The following SREBF2 variants were observed in gnomAD, a reference collection of about 807,000 sequenced individuals.
SREBF2 encodes sterol regulatory element binding transcription factor 2, also known as sterol regulatory element-binding protein 2.
SREBF2 carries 55 observed loss-of-function variants against 113.1 expected under a neutral mutation model. The observed-to-expected ratio is 0.49, with a 90% CI of 0.39 to 0.61. SREBF2 has a LOEUF of 0.61. SREBF2 is among the 20% of genes least tolerant of loss of function. The pLI is 0.00. For missense variants in SREBF2, 1,349 were observed against 1,487.4 expected, an observed-to-expected ratio of 0.91 and a Z score of 1.53; for synonymous variants, 593 against 605.7, an observed-to-expected ratio of 0.98 and a Z score of 0.31.
intron 9 of SREBF2, 70 bp from the exon 10 acceptor site, chr22:41,880,646 T>G: frequency 6.3e-7 from 1 of 1,591,922 alleles, no homozygotes; most frequent in Non-Finnish European, 8.6e-7. Context: ...GCAGGGGGAG[T>G]AGAAGTCTAT....
chr22:41,869,054 T>C (rs1466034786), intron 3 of SREBF2, among the ~76,000 whole-genome samples: 1 of 152,232 alleles, frequency 6.6e-6, no homozygotes, highest in Non-Finnish European at 1.5e-5. Context: ...ATGTGCTAAA[T>C]TGGTATTTCC....
At position 41,906,162 on chromosome 22, in the gene SREBF2, G is replaced by A. The variant is rs549094855; in HGVS notation, c.*502G>A. ...TGATGCGAGGCTGAGTTGCTGTAGC[G>A]TCTTGATTCTCTCCCTGGGTCTGCG... On this transcript the variant is annotated 3_prime_UTR_variant, in exon 19 of 19. Transcript: ENST00000361204. The A allele has an allele frequency of 3.2e-5, 12 of 370,366 alleles. No homozygotes were observed. Among genetic ancestry groups the A allele is most frequent in the African/African-American group, 8.5e-5 (4 of 47,264 alleles). 22.9% of individuals were successfully genotyped at this position (370,366 alleles called of 1,614,324 possible).
intron 1 of SREBF2, among the ~76,000 whole-genome samples, chr22:41,842,255 A>C (rs2076837724): frequency 6.6e-6 from 1 of 152,192 alleles, no homozygotes; most frequent in South Asian, 2.1e-4. Flanking sequence ...CAAGTAATTA[A>C]ATTTTTAGTT....
chr22:41,838,682 C>T (rs1211498707), intron 1 of SREBF2, among the ~76,000 whole-genome samples: 1 of 152,056 alleles, frequency 6.6e-6, no homozygotes, highest in Non-Finnish European at 1.5e-5. Flanking sequence ...GCAGTGAACC[C>T]AGATTGTGCC....
intron 3 of SREBF2, among the ~76,000 whole-genome samples, chr22:41,869,245 C>T (rs2077116056): frequency 6.6e-6 from 1 of 152,094 alleles, no homozygotes; most frequent in Admixed American, 6.6e-5. Flanking sequence ...GCTGGGACTA[C>T]AGGCATGTGC....
Position 41,905,591 on chromosome 22 carries a change from G to C in SREBF2, c.3357G>C (p.Arg1119=). ...AARTLEKVGD[R]RSCNDCQQMI... ...GCACCCTGGAGAAGGTGGGCGACCG[G>C]CGCTCCTGCAACGACTGCCAGCAGA... Residue 1119 remains arginine, a synonymous_variant, in exon 19 of 19, where the codon CGG becomes CGC. Coordinates refer to ENST00000361204, the MANE Select transcript of SREBF2 (RefSeq NM_004599.4). 1 of 1,599,482 alleles carries C rather than the reference G, an allele frequency of 6.3e-7. No individual in the cohort carries two copies.
rs2077166540 is a variant in SREBF2, at chr22:41,873,681, C to T, written c.868-117C>T. Reference sequence around the variant, plus strand: ...GATTAACCCAGGAAGAGTCTCAGACCTCATGAAGTACTGCCAGGTCTGGCA... The same window carrying T: ...GATTAACCCAGGAAGAGTCTCAGACTTCATGAAGTACTGCCAGGTCTGGCA... On this transcript the variant is annotated intron_variant, in intron 4 of 18. Transcript: ENST00000361204. The T allele has an allele frequency of 3.0e-5, 31 of 1,020,504 alleles. No homozygotes were observed. In the South Asian group the frequency reaches 4.1e-4, roughly 14 times the overall value. 63.2% of individuals were successfully genotyped at this position (1,020,504 alleles called of 1,614,324 possible). A position where few individuals can be genotyped will look rare whatever the true frequency, so the allele number is the denominator to read the frequency against.
chr22:41,905,424 C>T lies in SREBF2; in HGVS notation c.3206-16C>T. ...ATGGTAGATTCTCGGTTGTGACACA[C>T]ATCTCCTTCCCACAGGAGAGGTGGA... On this transcript the variant is annotated splice_polypyrimidine_tract_variant and intron_variant, in intron 18 of 18. Coordinates refer to ENST00000361204, the MANE Select transcript of SREBF2 (RefSeq NM_004599.4). The T allele has an allele frequency of 6.4e-7, 1 of 1,559,846 alleles. No individual in the cohort carries two copies. Among genetic ancestry groups the T allele is most frequent in the Admixed American group, 1.9e-5 (1 of 53,082 alleles).
Position 41,904,928 on chromosome 22 carries a change from G to A in SREBF2, c.3159G>A (p.Leu1053=). The A allele has an allele frequency of 1.2e-6, 2 of 1,606,146 alleles. No homozygotes were observed. Among genetic ancestry groups the A allele is most frequent in the Non-Finnish European group, 8.5e-7 (1 of 1,178,916 alleles). The part of the protein sequence containing the change: ...AGASPTRTHQ[L]LEHSLRRRTT... Reference sequence around the variant, plus strand: ...CCAGCCCCACCCGCACCCACCAGCTGCTGGAACACAGCCTGCGGCGGCGCA... The same window carrying A: ...CCAGCCCCACCCGCACCCACCAGCTACTGGAACACAGCCTGCGGCGGCGCA... Residue 1053 remains leucine, a synonymous_variant, in exon 18 of 19, where the codon CTG becomes CTA. Transcript: ENST00000361204.
intron 1 of SREBF2, among the ~76,000 whole-genome samples, chr22:41,839,230 G>A (rs1162937562): frequency 6.6e-6 from 1 of 152,140 alleles, no homozygotes; most frequent in Non-Finnish European, 1.5e-5. Context: ...TAGGGGAAAT[G>A]ATGAAAATTT....
At chr22:41,859,212 GA>G (rs2077003625) in intron 1 of SREBF2, among the ~76,000 whole-genome samples, 1 of 151,978 alleles carries the variant, frequency 6.6e-6, no homozygotes, top group Non-Finnish European at 1.5e-5. Context: ...ATACCACAAT[GA>G]AAAGGCACTT....
At chr22:41,897,217 T>A in intron 14 of SREBF2, 56 bp downstream of exon 14, 1 of 1,248,830 alleles carries the variant, frequency 8.0e-7, no homozygotes, top group Non-Finnish European at 1.1e-6. Context: ...GTCTTCACAG[T>A]GCTTTTGCCC....
intron 1 of SREBF2, among the ~76,000 whole-genome samples, chr22:41,864,611 C>T (rs952512102): frequency 1.3e-5 from 2 of 151,944 alleles, no homozygotes; most frequent in Admixed American, 6.6e-5. Flanking sequence ...TGAGTCACCG[C>T]GCCCGGCCCA....
chr22:41,863,458 A>G (rs1409560837), intron 1 of SREBF2, among the ~76,000 whole-genome samples: 1 of 152,228 alleles, frequency 6.6e-6, no homozygotes, highest in Non-Finnish European at 1.5e-5. Flanking sequence ...GGAATTCTAA[A>G]AGGTTCAACA....
intron 1 of SREBF2, among the ~76,000 whole-genome samples, chr22:41,852,613 A>G (rs1489499522): frequency 6.6e-6 from 1 of 151,274 alleles, no homozygotes; most frequent in Non-Finnish European, 1.5e-5. Context: ...TTTGGGCCAT[A>G]TTTATAACCA....
intron 11 of SREBF2, among the ~76,000 whole-genome samples, chr22:41,892,573 G>A (rs954242243): frequency 6.0e-5 from 9 of 150,956 alleles, no homozygotes; most frequent in Admixed American, 2.6e-4. Context: ...GCGTGAACCC[G>A]GGAGGCAGAG....
chr22:41,893,406 G>T, intron 12 of SREBF2, 121 bp downstream of exon 12: 1 of 956,338 alleles, frequency 1.0e-6, no homozygotes, highest in Non-Finnish European at 1.6e-6. Flanking sequence ...GAGTCCGTTT[G>T]TTTGTTTGTT....
rs873638 is a variant in SREBF2, at chr22:41,868,771, G to A, written c.699G>A (p.Ala233=). The change falls in exon 3 of 19, where the codon GCG becomes GCA. Residue 233 remains alanine, a synonymous_variant. Transcript: ENST00000361204. ...CGGCTACGGTGCAGACAGTTGCTGC[G>A]CCACAGGTGCAGCAGGTCCCGGTAA... ...LAPATVQTVA[A]PQVQQVPVLV... The A allele has an allele frequency of 2.1e-3, 3,402 of 1,612,576 alleles. 59 individuals carry two copies. In the African/African-American group the frequency reaches 0.04, roughly 19 times the overall value.
chr22:41,877,385 T>C lies in SREBF2; in HGVS notation c.1543T>C (p.Ser515Pro). 2 of 1,614,178 alleles carry C rather than the reference T, an allele frequency of 1.2e-6. No homozygotes were observed. Among genetic ancestry groups the C allele is most frequent in the South Asian group, 1.1e-5 (1 of 91,080 alleles). Reference sequence around the variant, plus strand: ...CCACGACTCTGACCAGCACCCACACTCAGGCTCTGGCCGCAGTGTCCTGTC... The same window carrying C: ...CCACGACTCTGACCAGCACCCACACCCAGGCTCTGGCCGCAGTGTCCTGTC... ...GAHDSDQHPH[S>P]GSGRSVLSFE... is the part of the protein sequence containing the mutation. The change falls in exon 8 of 19, where the codon TCA (serine) becomes CCA (proline). Residue 515 changes from serine (S) to proline (P), a missense_variant. By Grantham distance (74) the Ser-to-Pro change is moderately conservative. Coordinates refer to ENST00000361204, the MANE Select transcript of SREBF2 (RefSeq NM_004599.4).
Sources: allele counts gnomAD v4.1 joint callset (sites outside exome capture counted in the v4.1 genomes callset), GRCh38; gene constraint gnomAD v4.1.1; transcripts MANE v1.5; gene names NCBI Gene and HGNC (gene_info 2026-07-23, HGNC 2026-07-21).